The following HLCS variants were observed in gnomAD, a reference collection of about 807,000 sequenced individuals.
The protein encoded by HLCS is biotin--protein ligase.
A neutral mutation model predicts 75.0 loss-of-function variants in HLCS; 53 were observed. The ratio of observed to expected loss-of-function variants is 0.71; its 90% CI spans 0.57 to 0.89. HLCS has a LOEUF of 0.89. Among genes scored for constraint, HLCS ranks in the 40% least tolerant of loss-of-function variants. The pLI is 0.00. For synonymous variants in HLCS, 431 were observed against 428.6 expected (o/e 1.01, Z -0.07); for missense variants, 966 against 1,074.0 (o/e 0.90, Z 1.41).
intron 1 of HLCS, among the ~76,000 whole-genome samples, chr21:36,977,763 G>A (rs1458756694): frequency 6.6e-6 from 1 of 152,192 alleles, no homozygotes; most frequent in Admixed American, 6.5e-5. Flanking sequence ...CAGGGCAAAT[G>A]CCTCTCGTTC....
intron 5 of HLCS, among the ~76,000 whole-genome samples, chr21:36,918,378 T>C (rs1477580999): frequency 6.6e-6 from 1 of 152,190 alleles, no homozygotes; most frequent in Non-Finnish European, 1.5e-5. Context: ...AGGCTGACAG[T>C]TGGCTTCAAA....
intron 1 of HLCS, among the ~76,000 whole-genome samples, chr21:36,982,058 T>G (rs1037558352): frequency 1.9e-4 from 29 of 152,268 alleles, no homozygotes; most frequent in African/African-American, 6.5e-4. Context: ...GAGCTGAGGC[T>G]AGGTATGGTT....
At chr21:36,962,751 C>A (rs970440153) in intron 1 of HLCS, among the ~76,000 whole-genome samples, 1 of 142,616 alleles carries the variant, frequency 7.0e-6, no homozygotes, top group African/African-American at 2.6e-5. Flanking sequence ...TGAGATCATG[C>A]CACTGCACTC....
intron 1 of HLCS, among the ~76,000 whole-genome samples, chr21:36,985,538 C>T (rs866091652): frequency 6.6e-6 from 1 of 152,160 alleles, no homozygotes; most frequent in African/African-American, 2.4e-5. Flanking sequence ...GAGGCCGAGG[C>T]GGGCAGATCA....
chr21:36,791,136 G>A (rs1218322820), intron 6 of HLCS, among the ~76,000 whole-genome samples: 1 of 152,122 alleles, frequency 6.6e-6, no homozygotes, highest in Non-Finnish European at 1.5e-5. Context: ...AATAAAACCT[G>A]CTCACCGTGC....
At chr21:36,765,992 G>T (rs1160193526) in intron 7 of HLCS, among the ~76,000 whole-genome samples, 2 of 152,092 alleles carry the variant, frequency 1.3e-5, no homozygotes, top group African/African-American at 4.8e-5. Flanking sequence ...TGTTTAAAAA[G>T]GGATTCCTGA....
At chr21:36,759,337 T>C (rs543233417) in intron 9 of HLCS, among the ~76,000 whole-genome samples, 1 of 152,368 alleles carries the variant, frequency 6.6e-6, no homozygotes, top group East Asian at 1.9e-4. Context: ...AGCTCTTTCA[T>C]GGCCCAGGAA....
At position 36,911,487 on chromosome 21, in the gene HLCS, G is replaced by A. The variant is rs532097157; in HGVS notation, c.1621-14356C>T. ...AGGCCAGGCACAGTGGCTCATGCCC[G>A]TAATCTCAGCACTTTGGGAGGCTGA... is the stretch of plus-strand genomic sequence containing the variant. On this transcript the variant is annotated intron_variant, in intron 5 of 10. Transcript: ENST00000674895. Among the ~76,000 whole-genome samples the A allele has an allele frequency of 5.9e-5, 9 of 152,256 alleles. No individual in the cohort carries two copies. The East Asian group carries it at 9.6e-4, about 16-fold the overall frequency.
At chr21:36,930,614 GGATTACA>G (rs1472599884) in intron 4 of HLCS, among the ~76,000 whole-genome samples, 181 bp from the exon 5 acceptor site, 1 of 151,850 alleles carries the variant, frequency 6.6e-6, no homozygotes, top group Admixed American at 6.6e-5. Flanking sequence ...CAAAGTGCTG[GGATTACA>G]TGTATGAGCC....
intron 2 of HLCS, among the ~76,000 whole-genome samples, chr21:36,960,469 G>A (rs1318065932): frequency 1.3e-5 from 2 of 152,094 alleles, no homozygotes; most frequent in Non-Finnish European, 2.9e-5. Flanking sequence ...AGGAGAGAAC[G>A]TACTGTCTTA....
intron 6 of HLCS, among the ~76,000 whole-genome samples, chr21:36,890,536 C>G (rs933381642): frequency 1.3e-5 from 2 of 152,124 alleles, no homozygotes; most frequent in African/African-American, 4.8e-5. Flanking sequence ...GCTCTCCCCT[C>G]TATTCAATCA....
intron 6 of HLCS, among the ~76,000 whole-genome samples, chr21:36,778,171 A>C (rs138957356): frequency 2.0e-5 from 3 of 152,014 alleles, no homozygotes; most frequent in South Asian, 2.1e-4. Context: ...GGGTTTCACC[A>C]TGTTAGCCAG....
intron 5 of HLCS, among the ~76,000 whole-genome samples, chr21:36,904,508 T>C (rs2065368565): frequency 6.6e-6 from 1 of 152,144 alleles, no homozygotes; most frequent in Non-Finnish European, 1.5e-5. Flanking sequence ...CTAAAAGGTA[T>C]CAAATGAAAC....
chr21:36,919,015 C>T (rs185476737), intron 5 of HLCS, among the ~76,000 whole-genome samples: 4 of 152,252 alleles, frequency 2.6e-5, no homozygotes, highest in East Asian at 3.9e-4. Context: ...TTAGGTATGA[C>T]GGTGGAATTG....
intron 4 of HLCS, 125 bp from the exon 5 acceptor site, chr21:36,930,558 T>C: frequency 1.2e-6 from 1 of 837,246 alleles, no homozygotes. Context: ...TTGCCCAGGC[T>C]GGTCTTGAAC....
At position 36,823,610 on chromosome 21, in the gene HLCS, G is replaced by GGGGTGTGTGTGTGTGT. The variant is rs372824950; in HGVS notation, c.1893-56326_1893-56325insACACACACACACACCC. On this transcript the variant is annotated intron_variant, in intron 6 of 10. Transcript: ENST00000674895. Reference sequence around the variant, plus strand: ...CCATTTACCAGCTTCAAACGTGCAGGGTGTGTGTGTGTGTGTGTGTGTGTG... The same window carrying GGGGTGTGTGTGTGTGT: ...CCATTTACCAGCTTCAAACGTGCAGGGGGTGTGTGTGTGTGTGTGTGTGTGTGTGTGTGTGTGTGTG... Among the ~76,000 whole-genome samples the GGGGTGTGTGTGTGTGT allele has an allele frequency of 2.0e-3, 269 of 132,832 alleles. 1 individual carries two copies. Among genetic ancestry groups the GGGGTGTGTGTGTGTGT allele is most frequent in the South Asian group, 0.013 (46 of 3,586 alleles). 87.1% of individuals were successfully genotyped at this position (132,832 alleles called of 152,430 possible).
chr21:36,807,409 A>G (rs150196706), intron 6 of HLCS, among the ~76,000 whole-genome samples: 3 of 152,368 alleles, frequency 2.0e-5, no homozygotes, highest in African/African-American at 7.2e-5. Context: ...AAGCGAGAGC[A>G]TCTCCATACG....
intron 6 of HLCS, among the ~76,000 whole-genome samples, chr21:36,859,530 C>G (rs1416504012): frequency 1.3e-5 from 2 of 152,218 alleles, no homozygotes; most frequent in Admixed American, 6.5e-5. Flanking sequence ...CAACTGTAGT[C>G]TTGTTCTTTT....
intron 6 of HLCS, among the ~76,000 whole-genome samples, chr21:36,793,160 C>G (rs1182953350): frequency 6.6e-6 from 1 of 152,118 alleles, no homozygotes; most frequent in African/African-American, 2.4e-5. Context: ...TTCTATTGCT[C>G]CATTCACTTC....
Sources: allele counts gnomAD v4.1 joint callset (sites outside exome capture counted in the v4.1 genomes callset), GRCh38; gene constraint gnomAD v4.1.1; transcripts MANE v1.5; gene names NCBI Gene and HGNC (gene_info 2026-07-23, HGNC 2026-07-21).